Variants in GDAP1 observed in about 807,000 individuals in gnomAD.
The protein encoded by GDAP1 is ganglioside-induced differentiation-associated protein 1.
A neutral mutation model predicts 40.1 loss-of-function variants in GDAP1; 34 were observed. The ratio of observed to expected loss-of-function variants is 0.85; its 90% confidence interval spans 0.64 to 1.13. The LOEUF (loss-of-function observed/expected upper bound fraction) is 1.13. Ranked by LOEUF, GDAP1 falls within the 50% of genes most tolerant of loss-of-function variation. The probability of loss-of-function intolerance (pLI) is 0.00; values close to 1 mark genes in which losing one functional copy is unlikely to be tolerated. For missense variants in GDAP1, 374 were observed against 433.7 expected (o/e 0.86, Z 1.22); for synonymous variants, 170 against 157.4 (o/e 1.08, Z -0.60).
rs868621919 is a variant in GDAP1 at position 74,422,334 on chromosome 8, T to C, written c.166-66344T>C. Among the ~76,000 whole-genome samples the C allele has an allele frequency of 5.0e-3, 309 of 61,748 alleles. 1 individual carries two copies. Among genetic ancestry groups the C allele is most frequent in the African/African-American group, 0.025 (288 of 11,540 alleles). 40.5% of individuals were successfully genotyped at this position (61,748 alleles called of 152,430 possible). A position where few individuals can be genotyped will look rare whatever the true frequency, so the allele number is the denominator to read the frequency against. On this transcript the variant is annotated intron_variant, in intron 2 of 2. Transcript: ENST00000523640. ...CTTTCTTTCTTTCTTTCTTTCTTTC[T>C]TTCTTTCTTTCTTTCTTCCCTTCCT...
At chr8:74,399,322 C>G (rs1810275102) in intron 2 of GDAP1, among the ~76,000 whole-genome samples, 1 of 149,976 alleles carries the variant, frequency 6.7e-6, no homozygotes, top group South Asian at 2.1e-4. Context: ...TCTAGATTTT[C>G]TAGTTTATTT....
intron 2 of GDAP1, among the ~76,000 whole-genome samples, chr8:74,394,290 ACTGGGTCCCT>A (rs1810159389): frequency 6.6e-6 from 1 of 152,210 alleles, no homozygotes; most frequent in South Asian, 2.1e-4. Context: ...ATTACCTCCC[ACTGGGTCCCT>A]CCCATGACAC....
chr8:74,430,542 G>A (rs1806012131), intron 2 of GDAP1, among the ~76,000 whole-genome samples: 1 of 152,064 alleles, frequency 6.6e-6, no homozygotes, highest in Non-Finnish European at 1.5e-5. Flanking sequence ...ATTATTTACT[G>A]GAGAAAGGTA....
At chr8:74,400,233 C>T (rs1810299834) in intron 2 of GDAP1, among the ~76,000 whole-genome samples, 1 of 149,710 alleles carries the variant, frequency 6.7e-6, no homozygotes, top group Non-Finnish European at 1.5e-5. Flanking sequence ...TCTGGGTGCT[C>T]CTGTGTTGGG....
At chr8:74,369,703 C>T (rs1391247864), downstream of GDAP1, among the ~76,000 whole-genome samples, 1 of 151,838 alleles carries the variant, frequency 6.6e-6, no homozygotes, top group Non-Finnish European at 1.5e-5. Flanking sequence ...TTTACTTACT[C>T]GTCCAAGAAA....
intron 2 of GDAP1, among the ~76,000 whole-genome samples, chr8:74,473,871 C>T (rs1213186348): frequency 6.6e-6 from 1 of 152,162 alleles, no homozygotes; most frequent in Non-Finnish European, 1.5e-5. Flanking sequence ...ATAGGAATAG[C>T]ATTGAATATG....
intron 2 of GDAP1, among the ~76,000 whole-genome samples, chr8:74,392,226 C>T (rs990387240): frequency 6.6e-6 from 1 of 152,182 alleles, no homozygotes; most frequent in African/African-American, 2.4e-5. Context: ...TGTAACCTTA[C>T]TCTAACAATA....
Position 74,365,583 on chromosome 8 carries a change from G to A in GDAP1, c.*1216G>A, listed in dbSNP as rs774957472. 5 of 454,486 alleles carry A rather than the reference G, an allele frequency of 1.1e-5. No individual in the cohort carries two copies. Among genetic ancestry groups the A allele is most frequent in the South Asian group, 7.8e-5 (5 of 64,468 alleles). The allele number at this position is 454,486 out of a possible 1,614,324, so 28.2% of individuals were successfully genotyped here. A position where few individuals can be genotyped will look rare whatever the true frequency, so the allele number is the denominator to read the frequency against. On this transcript the variant is annotated 3_prime_UTR_variant, in exon 6 of 6. Transcript: ENST00000220822. ...AGCCATTTCTGGTGTCTGGTGGGTA[G>A]CAGGCATAGAGATGATGTGCCGAGG...
At chr8:74,382,494 T>C (rs1400584086) in intron 2 of GDAP1, among the ~76,000 whole-genome samples, 2 of 151,932 alleles carry the variant, frequency 1.3e-5, no homozygotes, top group African/African-American at 2.4e-5. Context: ...AACATGGGTA[T>C]TAAAAAAGAA....
chr8:74,473,157 C>G (rs1412144777), intron 2 of GDAP1, among the ~76,000 whole-genome samples: 1 of 148,734 alleles, frequency 6.7e-6, no homozygotes, highest in African/African-American at 2.5e-5. Context: ...TTTTTTTAAT[C>G]TAAATTTGTG....
intron 2 of GDAP1, among the ~76,000 whole-genome samples, chr8:74,359,262 C>G (rs1352206650): frequency 6.6e-6 from 1 of 152,150 alleles, no homozygotes; most frequent in Non-Finnish European, 1.5e-5. Context: ...CAGCACTTCT[C>G]CAGCTCAAGT....
At chr8:74,427,559 A>G (rs1227238722) in intron 2 of GDAP1, among the ~76,000 whole-genome samples, 2 of 152,212 alleles carry the variant, frequency 1.3e-5, no homozygotes, top group Non-Finnish European at 2.9e-5. Context: ...ATCCTAAAAC[A>G]GACAATCTTT....
chr8:74,356,250 A>G (rs868100210), intron 2 of GDAP1, among the ~76,000 whole-genome samples: 1 of 152,090 alleles, frequency 6.6e-6, no homozygotes, highest in Non-Finnish European at 1.5e-5. Flanking sequence ...TCTCTTTGTG[A>G]TTTGTCCAGT....
At chr8:74,430,567 AC>A (rs1806012729) in intron 2 of GDAP1, among the ~76,000 whole-genome samples, 4 of 152,186 alleles carry the variant, frequency 2.6e-5, no homozygotes, top group Non-Finnish European at 4.4e-5. Context: ...GCACATATAT[AC>A]AAGGGAAGAA....
At chr8:74,373,189 A>G (rs1467278495) in intron 2 of GDAP1, among the ~76,000 whole-genome samples, 1 of 152,118 alleles carries the variant, frequency 6.6e-6, no homozygotes, top group East Asian at 1.9e-4. Context: ...GTCAGGTAGC[A>G]TGATGCCTCC....
chr8:74,438,192 C>T lies in GDAP1; in HGVS notation c.166-50486C>T, dbSNP rs550845347. On this transcript the variant is annotated intron_variant, in intron 2 of 2. Coordinates refer to the GDAP1 transcript ENST00000523640. Reference sequence around the variant, plus strand: ...GGCTGAGGCAGGAGAATTGCTTGAACCTGGGAGGTGGAGGTTACAGTGAGC... The same window carrying T: ...GGCTGAGGCAGGAGAATTGCTTGAATCTGGGAGGTGGAGGTTACAGTGAGC... Among the ~76,000 whole-genome samples the T allele has an allele frequency of 1.1e-3, 165 of 152,080 alleles. 5 individuals are homozygous for T. Among genetic ancestry groups the T allele is most frequent in the Non-Finnish European group, 4.4e-4 (30 of 68,004 alleles).
intron 2 of GDAP1, among the ~76,000 whole-genome samples, chr8:74,374,601 AG>A (rs1351367153): frequency 6.6e-6 from 1 of 152,244 alleles, no homozygotes; most frequent in African/African-American, 2.4e-5. Context: ...AAACCCCAAA[AG>A]GATAAATCAA....
At chr8:74,363,099 A>T (rs765583343) in intron 5 of GDAP1, 46 bp downstream of exon 5, 1 of 884,236 alleles carries the variant, frequency 1.1e-6, no homozygotes, top group South Asian at 1.3e-5. Context: ...CATCAGTATT[A>T]TTCATGGGAA....
In GDAP1 at chr8:74,364,020, T is replaced by C; in HGVS notation, c.730T>C (p.Phe244Leu). The C allele has an allele frequency of 6.2e-7, 1 of 1,614,080 alleles. No individual in the cohort carries two copies. The change falls in exon 6 of 6, where the codon TTC becomes CTC. Residue 244 changes from phenylalanine to leucine, a missense_variant. Coordinates refer to ENST00000220822, the MANE Select transcript of GDAP1 (RefSeq NM_018972.4). Reference protein sequence around the residue: ...GQQPWLCGESFTLADVSLAVT... With the variant: ...GQQPWLCGESLTLADVSLAVT... ...GCAACCTTGGCTCTGCGGTGAATCC[T>C]TCACCCTGGCAGACGTCTCACTCGC...
Sources: allele counts gnomAD v4.1 joint callset (sites outside exome capture counted in the v4.1 genomes callset), GRCh38; gene constraint gnomAD v4.1.1; transcripts MANE v1.5; gene names NCBI Gene and HGNC (gene_info 2026-07-23, HGNC 2026-07-21).